PDE4D: variants seen among roughly 807,000 people sequenced by gnomAD.
The protein encoded by PDE4D is 3',5'-cyclic-AMP phosphodiesterase 4D.
A neutral mutation model predicts 87.4 loss-of-function variants in PDE4D; 24 were observed. The observed-to-expected ratio is 0.27, with a 90% confidence interval of 0.20 to 0.39. PDE4D has a LOEUF of 0.39. Ranked by LOEUF, PDE4D falls within the 10% of genes least tolerant of loss-of-function variation. The probability of loss-of-function intolerance (pLI) is 1.00; values close to 1 mark genes in which losing one functional copy is unlikely to be tolerated. For synonymous variants in PDE4D, 384 were observed against 383.2 expected, an observed-to-expected ratio of 1.00 and a Z score of -0.02; for missense variants, 714 against 1,041.0, an observed-to-expected ratio of 0.69 and a Z score of 4.32.
chr5:59,326,563 T>C (rs1003028763), intron 1 of PDE4D, among the ~76,000 whole-genome samples: 20 of 152,250 alleles, frequency 1.3e-4, no homozygotes, highest in African/African-American at 4.6e-4. Flanking sequence ...TCACTGACTT[T>C]TAAACTTTTA....
chr5:60,068,923 A>G (rs1772414755), intron 2 of PDE4D, among the ~76,000 whole-genome samples: 1 of 152,190 alleles, frequency 6.6e-6, no homozygotes, highest in Non-Finnish European at 1.5e-5. Flanking sequence ...TGTCATATCC[A>G]TGAAACCATT....
chr5:60,067,006 A>G (rs1206178302), intron 2 of PDE4D, among the ~76,000 whole-genome samples: 4 of 152,128 alleles, frequency 2.6e-5, no homozygotes, highest in Non-Finnish European at 5.9e-5. Flanking sequence ...TAACAATACA[A>G]TAATAAAATA....
At position 60,462,189 on chromosome 5, in the gene PDE4D, T is replaced by C. The variant is rs886965419; in HGVS notation, c.-90+25753A>G. The stretch of plus-strand genomic sequence containing the variant: ...CCCTTCTAGACTCTTCCCCAAGTAC[T>C]CATGACCCTTGAATTTCCTGCCCCA... On this transcript the variant is annotated intron_variant, in intron 1 of 16. Transcript: ENST00000502484. Among the ~76,000 whole-genome samples, 4 of 152,220 alleles carry C rather than the reference T, an allele frequency of 2.6e-5. No homozygotes were observed. In the South Asian group the frequency reaches 6.2e-4, roughly 24 times the overall value.
chr5:59,537,064 C>T (rs982749421), intron 1 of PDE4D, among the ~76,000 whole-genome samples: 1 of 152,074 alleles, frequency 6.6e-6, no homozygotes, highest in African/African-American at 2.4e-5. Context: ...TGTGCATGCA[C>T]ACATATTTTG....
At chr5:59,979,487 G>A (rs1352262807) in intron 3 of PDE4D, among the ~76,000 whole-genome samples, 5 of 149,262 alleles carry the variant, frequency 3.3e-5, no homozygotes, top group Non-Finnish European at 5.9e-5. Context: ...TAGGAATTAC[G>A]TCATGGTAAA....
upstream of PDE4D, chr5:59,893,867 C>T (rs892854665): frequency 5.5e-6 from 7 of 1,273,726 alleles, no homozygotes; most frequent in African/African-American, 1.6e-5. Context: ...GACACGCTCC[C>T]GGGCTCCCCA....
upstream of PDE4D, chr5:60,490,948 T>C (rs1052333395): frequency 1.3e-5 from 2 of 152,230 alleles, no homozygotes; most frequent in Admixed American, 6.5e-5. Flanking sequence ...GAGTAAACTA[T>C]AGAAAACGTT....
chr5:58,985,124 A>T lies in PDE4D; in HGVS notation c.1552+3369T>A, dbSNP rs753662433. Among the ~76,000 whole-genome samples the T allele has an allele frequency of 1.8e-3, 270 of 152,062 alleles. 3 individuals are homozygous for T. The highest frequency in any genetic ancestry group is 2.1e-3 in the Non-Finnish European group (145 of 68,020). On this transcript the variant is annotated intron_variant, in intron 11 of 14. Coordinates refer to ENST00000340635, the MANE Select transcript of PDE4D (RefSeq NM_001104631.2). ...AAGACAGGGTTTCACCTTGTTGGCC[A>T]GGCTGGTCTCCGAACTCCTGACGTC...
chr5:59,574,074 ATATATATATT>A (rs1561240290), intron 1 of PDE4D, among the ~76,000 whole-genome samples: 13 of 16,164 alleles, frequency 8.0e-4, no homozygotes, highest in African/African-American at 2.4e-3. Context: ...ATATATATTT[ATATATATATT>A]TATATATATA....
chr5:59,772,151 T>C (rs1212807413), intron 1 of PDE4D, among the ~76,000 whole-genome samples: 1 of 152,164 alleles, frequency 6.6e-6, no homozygotes, highest in Admixed American at 6.5e-5. Flanking sequence ...GAAACACAAA[T>C]TGTAAGATTC....
chr5:59,715,712 G>C (rs1754915752), intron 1 of PDE4D, among the ~76,000 whole-genome samples: 1 of 152,206 alleles, frequency 6.6e-6, no homozygotes, highest in Non-Finnish European at 1.5e-5. Context: ...GAGGAAGGAT[G>C]ACCTCCTATG....
At chr5:60,349,010 A>T (rs916334489) in intron 1 of PDE4D, among the ~76,000 whole-genome samples, 2 of 152,172 alleles carry the variant, frequency 1.3e-5, no homozygotes, top group African/African-American at 2.4e-5. Context: ...CTGTATGTAA[A>T]TTACTAAATT....
chr5:60,282,362 T>C (rs1042330064), intron 1 of PDE4D, among the ~76,000 whole-genome samples: 3 of 151,932 alleles, frequency 2.0e-5, no homozygotes, highest in African/African-American at 7.2e-5. Context: ...TAGCATATTG[T>C]AGGTTGGAAG....
rs1766828688 is a variant in PDE4D at position 59,081,829 on chromosome 5, C to A, written c.809-42858G>T. ...TTATATGGTTTGGCCATGCCCTAAC[C>A]AAAATCTCATCTTGAATTGTAATCC... On this transcript the variant is annotated intron_variant, in intron 5 of 14. Coordinates refer to ENST00000340635, the MANE Select transcript of PDE4D (RefSeq NM_001104631.2). Among the ~76,000 whole-genome samples, 7 of 152,206 alleles carry A rather than the reference C, an allele frequency of 4.6e-5. No homozygotes were observed. The South Asian group carries it at 1.5e-3, about 32-fold the overall frequency.
intron 5 of PDE4D, among the ~76,000 whole-genome samples, chr5:59,079,951 G>A (rs898878449): frequency 2.5e-4 from 38 of 151,712 alleles, no homozygotes; most frequent in African/African-American, 8.9e-4. Flanking sequence ...GAAGGGGAAA[G>A]GGCACTAGGA....
chr5:60,147,742 A>C (rs1411913773), intron 2 of PDE4D: 1 of 455,002 alleles, frequency 2.2e-6, no homozygotes, highest in Non-Finnish European at 4.4e-6. Context: ...TTCTCGAGTC[A>C]CTCACATGGT....
intron 3 of PDE4D, among the ~76,000 whole-genome samples, chr5:59,192,821 G>T (rs1474844324): frequency 6.6e-6 from 1 of 152,160 alleles, no homozygotes; most frequent in African/African-American, 2.4e-5. Context: ...GCTTGTAACA[G>T]ATCTCCAAAT....
intron 1 of PDE4D, among the ~76,000 whole-genome samples, chr5:59,755,401 T>C (rs1481923142): frequency 1.3e-5 from 2 of 152,198 alleles, no homozygotes; most frequent in Non-Finnish European, 2.9e-5. Context: ...TATGGCCTTT[T>C]AAATAAAAAT....
intron 1 of PDE4D, among the ~76,000 whole-genome samples, chr5:60,423,342 G>GT (rs1743314928): frequency 6.6e-6 from 1 of 152,114 alleles, no homozygotes; most frequent in Non-Finnish European, 1.5e-5. Context: ...ACAAAAAACT[G>GT]TCTCTCAGAC....
Sources: allele counts gnomAD v4.1 joint callset (sites outside exome capture counted in the v4.1 genomes callset), GRCh38; gene constraint gnomAD v4.1.1; transcripts MANE v1.5; gene names NCBI Gene and HGNC (gene_info 2026-07-23, HGNC 2026-07-21).